CEP112: variants seen among roughly 807,000 people sequenced by gnomAD.
The protein encoded by CEP112 is centrosomal protein 112, also known as centrosomal protein of 112 kDa.
A neutral mutation model predicts 153.0 loss-of-function variants in CEP112; 127 were observed. The observed-to-expected ratio is 0.83, with a 90% CI of 0.72 to 0.96. The LOEUF (loss-of-function observed/expected upper bound fraction) is 0.96. Among genes scored for constraint, CEP112 ranks in the 40% least tolerant of loss-of-function variants. The pLI is 0.00. For missense variants in CEP112, 1,089 were observed against 1,101.2 expected (o/e 0.99, Z 0.16); for synonymous variants, 358 against 374.4 (o/e 0.96, Z 0.51).
At chr17:65,987,361 G>A (rs1232613352) in intron 17 of CEP112, among the ~76,000 whole-genome samples, 1 of 151,856 alleles carries the variant, frequency 6.6e-6, no homozygotes, top group Non-Finnish European at 1.5e-5. Flanking sequence ...CATATACTCA[G>A]AGGACAAAAA....
intron 8 of CEP112, among the ~76,000 whole-genome samples, chr17:66,080,728 CACT>C (rs1338249867): frequency 6.6e-6 from 1 of 152,160 alleles, no homozygotes; most frequent in Non-Finnish European, 1.5e-5. Flanking sequence ...TTTATTGCAG[CACT>C]GTTCACAATA....
At chr17:66,189,239 A>G (rs230602) in intron 1 of CEP112, among the ~76,000 whole-genome samples, 103,403 of 152,006 alleles carry the variant, frequency 0.68, 36,730 homozygotes, top group Non-Finnish European at 0.78. Context: ...GTTGGCTCAC[A>G]CCTGTAATCC....
At chr17:66,076,905 G>T (rs2067522079) in intron 8 of CEP112, among the ~76,000 whole-genome samples, 1 of 152,132 alleles carries the variant, frequency 6.6e-6, no homozygotes, top group East Asian at 1.9e-4. Flanking sequence ...CCCAGTACCA[G>T]CCCGGAGCCA....
intron 21 of CEP112, among the ~76,000 whole-genome samples, chr17:65,841,891 T>C (rs1010170065): frequency 5.1e-5 from 7 of 136,154 alleles, no homozygotes; most frequent in African/African-American, 1.7e-4. Flanking sequence ...CTAAACTGTG[T>C]GTGTGTGTAC....
intron 21 of CEP112, among the ~76,000 whole-genome samples, chr17:65,779,573 G>A (rs1281403481): frequency 1.3e-5 from 2 of 152,066 alleles, no homozygotes; most frequent in Non-Finnish European, 2.9e-5. Flanking sequence ...TCAAGAAAAT[G>A]GCAAACTAGT....
chr17:66,037,196 T>C (rs2065775007), intron 12 of CEP112, among the ~76,000 whole-genome samples: 1 of 152,212 alleles, frequency 6.6e-6, no homozygotes, highest in Admixed American at 6.6e-5. Flanking sequence ...TATCCAATGA[T>C]TTCTTAAACA....
intron 23 of CEP112, among the ~76,000 whole-genome samples, chr17:65,724,521 A>G (rs561279491): frequency 6.6e-6 from 1 of 152,314 alleles, no homozygotes; most frequent in South Asian, 2.1e-4. Context: ...TGATAATACA[A>G]CTGTTTATTC....
intron 5 of CEP112, 135 bp from the exon 6 acceptor site, chr17:66,129,958 AAAAGGAAG>A (rs753547773): frequency 3.6e-6 from 2 of 559,196 alleles, no homozygotes; most frequent in East Asian, 3.1e-5. Flanking sequence ...AAAAAAGGAA[AAAAGGAAG>A]AAAGGAAGGG....
At chr17:65,773,589 T>C (rs1023083453) in intron 21 of CEP112, among the ~76,000 whole-genome samples, 1 of 152,194 alleles carries the variant, frequency 6.6e-6, no homozygotes, top group Non-Finnish European at 1.5e-5. Context: ...TAAATGCTCA[T>C]TGTAGAAAAA....
chr17:66,057,119 G>T (rs2145963936), intron 11 of CEP112, among the ~76,000 whole-genome samples: 1 of 152,294 alleles, frequency 6.6e-6, no homozygotes, highest in East Asian at 1.9e-4. Flanking sequence ...AGGTCAACCA[G>T]ATTTGTGTTT....
chr17:66,089,615 A>G (rs1229099253), intron 8 of CEP112, among the ~76,000 whole-genome samples: 2 of 152,198 alleles, frequency 1.3e-5, no homozygotes, highest in Non-Finnish European at 2.9e-5. Flanking sequence ...ACAGGTTATT[A>G]GAAAATATGC....
chr17:66,051,112 T>A (rs2066420586), intron 12 of CEP112, among the ~76,000 whole-genome samples: 1 of 150,348 alleles, frequency 6.7e-6, no homozygotes, highest in African/African-American at 2.4e-5. Context: ...CCCAACTAAC[T>A]GGGACTACAA....
chr17:65,657,588 A>T (rs1223120055), intron 24 of CEP112, among the ~76,000 whole-genome samples: 1 of 152,208 alleles, frequency 6.6e-6, no homozygotes, highest in Non-Finnish European at 1.5e-5. Context: ...ACTTCTGTTT[A>T]CAATGTCTGA....
At chr17:65,803,839 T>G (rs2055428307) in intron 21 of CEP112, among the ~76,000 whole-genome samples, 1 of 152,202 alleles carries the variant, frequency 6.6e-6, no homozygotes, top group Admixed American at 6.5e-5. Flanking sequence ...AAAAGAGCAT[T>G]TTTATGAATC....
intron 4 of CEP112, among the ~76,000 whole-genome samples, chr17:66,139,389 A>C (rs1313772078): frequency 6.6e-6 from 1 of 152,168 alleles, no homozygotes; most frequent in Non-Finnish European, 1.5e-5. Context: ...GGACTGCTGG[A>C]GCCCAGGAGT....
intron 12 of CEP112, among the ~76,000 whole-genome samples, chr17:66,048,000 T>C (rs939477354): frequency 6.6e-6 from 1 of 152,210 alleles, no homozygotes; most frequent in African/African-American, 2.4e-5. Context: ...TTAAATCATA[T>C]CCAGATTACC....
intron 19 of CEP112, among the ~76,000 whole-genome samples, chr17:65,915,007 G>A (rs556938869): frequency 6.6e-6 from 1 of 152,276 alleles, no homozygotes; most frequent in South Asian, 2.1e-4. Flanking sequence ...CCTGAAACAA[G>A]TGGTTACTCA....
At position 66,121,988 on chromosome 17, in the gene CEP112, A is replaced by G. The variant is rs7225512; in HGVS notation, c.642+7758T>C. On this transcript the variant is annotated intron_variant, in intron 6 of 26. Coordinates refer to ENST00000535342, the MANE Select transcript of CEP112 (RefSeq NM_001199165.4). The stretch of plus-strand genomic sequence containing the variant: ...CGGCTCTCTGCAACCTCCACTTCCC[A>G]GGTTCAAGTGATCCTCCTGCCGCAG... Among the ~76,000 whole-genome samples the G allele has an allele frequency of 4.3e-3, 651 of 152,070 alleles. 6 individuals carry two copies. Among genetic ancestry groups the G allele is most frequent in the African/African-American group, 0.015 (625 of 41,490 alleles).
chr17:65,860,755 T>A (rs956854862), intron 20 of CEP112, among the ~76,000 whole-genome samples: 2 of 152,210 alleles, frequency 1.3e-5, no homozygotes, highest in African/African-American at 4.8e-5. Context: ...CATTTTTAGG[T>A]CTATATCCAA....
Sources: gnomAD v4.1 joint callset for allele counts (sites outside exome capture counted in the v4.1 genomes callset) on GRCh38, gnomAD v4.1.1 for gene constraint, MANE v1.5 for transcripts, NCBI Gene and HGNC (gene_info 2026-07-23, HGNC 2026-07-21) for gene names.